The following KANSL1 variants were observed in gnomAD, a reference collection of about 807,000 sequenced individuals.
The protein encoded by KANSL1 is MLL1/MLL complex subunit KANSL1.
Under a neutral mutation model 103.6 loss-of-function variants are expected in KANSL1, and 22 were observed. That is an observed-to-expected ratio of 0.21 (90% CI 0.15 to 0.30). The LOEUF (loss-of-function observed/expected upper bound fraction) is 0.30. KANSL1 is among the 10% of genes least tolerant of loss of function. The pLI, the probability that KANSL1 is intolerant of heterozygous loss-of-function variation, is 1.00. For missense variants in KANSL1, 1,337 were observed against 1,399.8 expected (o/e 0.96, Z 0.72); for synonymous variants, 600 against 527.6 (o/e 1.14, Z -1.88).
chr17:46,032,332 G>C, intron 13 of KANSL1, 33 bp from the exon 14 acceptor site: 1 of 1,490,402 alleles, frequency 6.7e-7, no homozygotes. Context: ...CTGAGTGCCT[G>C]GGAAATGTTT....
intron 1 of KANSL1, among the ~76,000 whole-genome samples, chr17:46,176,330 CA>C (rs2046517217): frequency 6.6e-6 from 1 of 152,240 alleles, no homozygotes; most frequent in African/African-American, 2.4e-5. Flanking sequence ...GTAAACTTCT[CA>C]AAGTTATTCT....
chr17:46,087,913 T>C (rs139180335), intron 3 of KANSL1, among the ~76,000 whole-genome samples: 5 of 152,350 alleles, frequency 3.3e-5, no homozygotes, highest in African/African-American at 1.2e-4. Flanking sequence ...TACCCCAACA[T>C]GGGCTTCCCT....
chr17:46,215,399 G>A (rs2048308350), intron 1 of KANSL1, among the ~76,000 whole-genome samples: 1 of 152,248 alleles, frequency 6.6e-6, no homozygotes, highest in Non-Finnish European at 1.5e-5. Context: ...TTGAGCCATG[G>A]TGGAAGAGGG....
At chr17:46,153,777 G>C (rs915705172) in intron 2 of KANSL1, among the ~76,000 whole-genome samples, 2 of 152,182 alleles carry the variant, frequency 1.3e-5, no homozygotes, top group African/African-American at 2.4e-5. Flanking sequence ...AGAAGAGAGA[G>C]AAACTAAGAC....
chr17:46,120,184 C>T (rs2147180080), intron 2 of KANSL1: 1 of 152,354 alleles, frequency 6.6e-6, no homozygotes, highest in East Asian at 1.9e-4. Flanking sequence ...CATCACATCC[C>T]TCTTTCATGG....
intron 3 of KANSL1, among the ~76,000 whole-genome samples, chr17:46,086,624 G>A (rs2079173801): frequency 6.6e-6 from 1 of 152,170 alleles, no homozygotes; most frequent in Admixed American, 6.5e-5. Flanking sequence ...AAATGCTAGA[G>A]AGAACAAAAT....
intron 7 of KANSL1, among the ~76,000 whole-genome samples, chr17:46,047,161 C>T (rs768396407): frequency 2.0e-5 from 3 of 152,160 alleles, no homozygotes; most frequent in Non-Finnish European, 2.9e-5. Context: ...CTTATCACAG[C>T]TAGGGGGTTT....
chr17:46,100,722 T>A (rs2042276622), intron 2 of KANSL1, among the ~76,000 whole-genome samples: 1 of 152,224 alleles, frequency 6.6e-6, no homozygotes, highest in African/African-American at 2.4e-5. Context: ...TCTAATTAAG[T>A]CACCTAATTC....
chr17:46,033,336 T>G, intron 12 of KANSL1, 67 bp downstream of exon 12: 4 of 1,494,104 alleles, frequency 2.7e-6, no homozygotes, highest in Non-Finnish European at 3.7e-6. Context: ...ATTTAGGGTG[T>G]GTGCACTCAT....
At chr17:46,079,105 A>AT (rs2078893945) in intron 4 of KANSL1, among the ~76,000 whole-genome samples, 1 of 152,204 alleles carries the variant, frequency 6.6e-6, no homozygotes, top group African/African-American at 2.4e-5. Context: ...ACTCTGTGGT[A>AT]TAAAAACAGT....
intron 2 of KANSL1, among the ~76,000 whole-genome samples, chr17:46,149,159 C>T (rs774178361): frequency 1.3e-5 from 2 of 152,164 alleles, no homozygotes; most frequent in Non-Finnish European, 1.5e-5. Flanking sequence ...CCCACCACTG[C>T]GCCCAGCTGA....
At chr17:46,117,263 T>C (rs926175205) in intron 2 of KANSL1, among the ~76,000 whole-genome samples, 1 of 152,258 alleles carries the variant, frequency 6.6e-6, no homozygotes, top group South Asian at 2.1e-4. Flanking sequence ...AACAGCCATG[T>C]GCACACAGTA....
chr17:46,158,015 A>AT (rs2045522914), intron 2 of KANSL1, among the ~76,000 whole-genome samples: 1 of 152,282 alleles, frequency 6.6e-6, no homozygotes, highest in South Asian at 2.1e-4. Flanking sequence ...CCTGAAGAAA[A>AT]TTTTAGAAAA....
At chr17:46,205,443 A>G (rs2047933587) in intron 1 of KANSL1, among the ~76,000 whole-genome samples, 1 of 152,000 alleles carries the variant, frequency 6.6e-6, no homozygotes, top group South Asian at 2.1e-4. Context: ...GCACTTTGGG[A>G]GGCCGAGGCA....
At chr17:46,147,205 GA>G (rs1491165143) in intron 2 of KANSL1, among the ~76,000 whole-genome samples, 4 of 112,958 alleles carry the variant, frequency 3.5e-5, no homozygotes, top group Non-Finnish European at 4.8e-5. Context: ...AAATACAACA[GA>G]AAAATCAACC....
intron 2 of KANSL1, among the ~76,000 whole-genome samples, chr17:46,164,198 T>C (rs1389899201): frequency 1.3e-5 from 2 of 152,268 alleles, no homozygotes; most frequent in Non-Finnish European, 2.9e-5. Flanking sequence ...GTACGTTCAC[T>C]TCAGAGAACA....
At chr17:46,052,798 A>T (rs956572468) in intron 6 of KANSL1, among the ~76,000 whole-genome samples, 2 of 109,408 alleles carry the variant, frequency 1.8e-5, no homozygotes, top group Non-Finnish European at 4.9e-5. Flanking sequence ...TAAAATTAAA[A>T]AAAAAAAAAA....
chr17:46,063,576 TTC>T (rs781650803), intron 6 of KANSL1, among the ~76,000 whole-genome samples: 2 of 152,194 alleles, frequency 1.3e-5, no homozygotes, highest in Non-Finnish European at 1.5e-5. Context: ...GTCAACTAAT[TTC>T]TCTGTCTTAT....
chr17:46,174,605 C>CGATAAAATGTCCAGTGAAT (rs2046434136), intron 1 of KANSL1, among the ~76,000 whole-genome samples: 1 of 152,190 alleles, frequency 6.6e-6, no homozygotes, highest in Non-Finnish European at 1.5e-5. Flanking sequence ...ACCCAGTGAA[C>CGATAAAATGTCCAGTGAAT]GATAAAATGT....
Sources: allele counts gnomAD v4.1 joint callset (sites outside exome capture counted in the v4.1 genomes callset), GRCh38; gene constraint gnomAD v4.1.1; transcripts MANE v1.5; gene names NCBI Gene and HGNC (gene_info 2026-07-23, HGNC 2026-07-21).